SPINK5: variants seen among roughly 807,000 people sequenced by gnomAD.
SPINK5 encodes serine peptidase inhibitor Kazal type 5.
In SPINK5, 125 loss-of-function variants were observed where a neutral mutation model predicts 151.8. The observed-to-expected ratio is 0.82, with a 90% CI of 0.71 to 0.96. The LOEUF (loss-of-function observed/expected upper bound fraction) is 0.96, where lower values mean the gene tolerates loss of function less well. Ranked by LOEUF, SPINK5 falls within the 40% of genes least tolerant of loss-of-function variation. The probability of loss-of-function intolerance (pLI) is 0.00; values close to 1 mark genes in which losing one functional copy is unlikely to be tolerated. For synonymous variants in SPINK5, 374 were observed against 395.3 expected (o/e 0.95, Z 0.64); for missense variants, 1,194 against 1,291.9 (o/e 0.92, Z 1.16).
chr5:148,064,064 C>T lies in SPINK5; in HGVS notation c.20C>T (p.Ser7Leu), dbSNP rs1264539510. Residue 7 changes from serine (S) to leucine (L), a missense_variant, in exon 1 of 33, where the codon TCA becomes TTA. Transcript: ENST00000256084. MKIATV[S>L]VLLPLALCLI... Reference sequence around the variant, plus strand: ...TTCAACATGAAGATAGCCACAGTGTCAGTGCTTCTGCCCTTGGCTCTTTGC... The same window carrying T: ...TTCAACATGAAGATAGCCACAGTGTTAGTGCTTCTGCCCTTGGCTCTTTGC... 6.2e-7 allele frequency: 1 copy of T among 1,614,160 alleles called. No homozygotes were observed. The highest frequency in any genetic ancestry group is 1.1e-5 in the South Asian group (1 of 91,080).
chr5:148,111,629 C>T (rs189541068), intron 18 of SPINK5, 139 bp from the exon 19 acceptor site: 7 of 1,238,834 alleles, frequency 5.7e-6, no homozygotes, highest in African/African-American at 3.0e-5. Context: ...CTCTGAAAAG[C>T]ATTTTGGTTA....
chr5:148,095,574 G>T (rs1753433488), intron 9 of SPINK5, among the ~76,000 whole-genome samples: 1 of 151,924 alleles, frequency 6.6e-6, no homozygotes, highest in Non-Finnish European at 1.5e-5. Context: ...TCTTCAAAAA[G>T]GTAGAATTTA....
rs1753437657 is a variant in SPINK5 at position 148,095,746 on chromosome 5, A to T, written c.795-72A>T. On this transcript the variant is annotated intron_variant, in intron 9 of 32. Transcript: ENST00000256084. ...CTCAGGACAACTTAGATATTTTTCC[A>T]TCTATACCTAATGACTGTTTTGTAA... is the stretch of plus-strand genomic sequence containing the variant. The T allele has an allele frequency of 7.6e-6, 10 of 1,309,192 alleles. No individual in the cohort carries two copies. In the South Asian group the frequency reaches 1.1e-4, roughly 14 times the overall value. The allele number at this position is 1,309,192 out of a possible 1,614,324, so 81.1% of individuals were successfully genotyped here.
At position 148,127,762 on chromosome 5, in the gene SPINK5, G is replaced by A. The variant is rs141916920; in HGVS notation, c.2964+683G>A. ...AGTTCCAGCTACTTGGGAGGCTGAGGTGGAAGGATGGCTTGAGCCCAGGTG... is the reference window on the plus strand; with the variant it reads ...AGTTCCAGCTACTTGGGAGGCTGAGATGGAAGGATGGCTTGAGCCCAGGTG... On this transcript the variant is annotated intron_variant, in intron 30 of 32. Coordinates refer to ENST00000256084, the MANE Select transcript of SPINK5 (RefSeq NM_006846.4). Among the ~76,000 whole-genome samples the A allele has an allele frequency of 3.0e-3, 461 of 152,234 alleles. 3 individuals carry two copies. The highest frequency in any genetic ancestry group is 0.011 in the African/African-American group (450 of 41,530).
chr5:148,119,911 T>C (rs983578910), intron 24 of SPINK5, 98 bp from the exon 25 acceptor site: 10 of 1,419,030 alleles, frequency 7.0e-6, no homozygotes, highest in African/African-American at 1.4e-5. Flanking sequence ...CAAGGTTACA[T>C]GGCTGCCTGA....
At chr5:148,125,523 G>A in intron 28 of SPINK5, 200 bp from the exon 29 acceptor site, 1 of 1,613,346 alleles carries the variant, frequency 6.2e-7, no homozygotes, top group East Asian at 2.2e-5. Context: ...ACATTTTTCA[G>A]GACCAGTGCA....
At position 148,100,489 on chromosome 5, in the gene SPINK5, C is replaced by T. The variant is rs78128189; in HGVS notation, c.1128C>T (p.Asn376=). ...GTGAATATCGAAAGCTTGTGAGGAA[C>T]GGAAAACTTGCTTGCACCAGAGAGA... The part of the protein sequence containing the change: ...LCSEYRKLVR[N]GKLACTREND... Residue 376 remains asparagine (N), a synonymous_variant, in exon 13 of 33, where the codon AAC becomes AAT. Coordinates refer to ENST00000256084, the MANE Select transcript of SPINK5 (RefSeq NM_006846.4). The T allele has an allele frequency of 8.3e-4, 1,331 of 1,612,726 alleles. 5 individuals are homozygous for T. The African/African-American group carries it at 0.011, about 14-fold the overall frequency.
rs1273703989 is a variant in SPINK5, at chr5:148,073,198, G to T, written c.282+978G>T. Among the ~76,000 whole-genome samples the T allele has an allele frequency of 2.0e-5, 3 of 151,712 alleles. No individual in the cohort carries two copies. The East Asian group carries it at 5.8e-4, about 30-fold the overall frequency. ...TCCACTTTCTTTTCCTTCTCTGCTG[G>T]CCCCAACACGTAATTAAAATAATCA... On this transcript the variant is annotated intron_variant, in intron 4 of 32. Coordinates refer to ENST00000256084, the MANE Select transcript of SPINK5 (RefSeq NM_006846.4).
At chr5:148,135,324 C>T (rs1754671178) in intron 32 of SPINK5, among the ~76,000 whole-genome samples, 1 of 152,166 alleles carries the variant, frequency 6.6e-6, no homozygotes, top group Admixed American at 6.5e-5. Context: ...TTATGCCAGT[C>T]CAATAGACCA....
chr5:148,068,578 A>AAAAG (rs1554101970), intron 2 of SPINK5, among the ~76,000 whole-genome samples: 4,204 of 73,878 alleles, frequency 0.057, 166 homozygotes, highest in East Asian at 0.13. Context: ...AAAAAAAAAA[A>AAAAG]AAAGAAAGAA....
At chr5:148,100,971 C>G (rs578095286) in intron 13 of SPINK5, among the ~76,000 whole-genome samples, 17 of 152,190 alleles carry the variant, frequency 1.1e-4, no homozygotes, top group African/African-American at 3.1e-4. Context: ...GATGATTTAC[C>G]ATGGAATTCC....
intron 12 of SPINK5, 47 bp from the exon 13 acceptor site, chr5:148,100,407 A>G: frequency 6.3e-7 from 1 of 1,587,528 alleles, no homozygotes; most frequent in South Asian, 1.1e-5. Flanking sequence ...CTTCTGCTTT[A>G]AGTAGAAATG....
chr5:148,112,985 A>G, intron 20 of SPINK5, 51 bp downstream of exon 20: 1 of 1,606,772 alleles, frequency 6.2e-7, no homozygotes, highest in Non-Finnish European at 8.5e-7. Flanking sequence ...ATTTTGCAGT[A>G]TCTCTGTAAA....
intron 18 of SPINK5, 37 bp from the exon 19 acceptor site, chr5:148,111,731 T>C (rs367953401): frequency 2.1e-5 from 34 of 1,613,724 alleles, no homozygotes; most frequent in African/African-American, 1.3e-4. Context: ...TGTTTAGTTA[T>C]TGGACTCTTA....
intron 26 of SPINK5, among the ~76,000 whole-genome samples, chr5:148,120,818 G>A (rs1754237992): frequency 6.6e-6 from 1 of 152,026 alleles, no homozygotes. Flanking sequence ...GCAATCAGAT[G>A]CCAAAAATTA....
intron 6 of SPINK5, chr5:148,089,284 G>T (rs1230291252): frequency 4.6e-6 from 3 of 657,732 alleles, no homozygotes; most frequent in South Asian, 4.5e-5. Context: ...TAGGTTATCT[G>T]TTTACTAAAT....
At chr5:148,118,671 G>C in intron 23 of SPINK5, 107 bp downstream of exon 23, 1 of 1,488,756 alleles carries the variant, frequency 6.7e-7, no homozygotes, top group Non-Finnish European at 9.2e-7. Context: ...TATTCTTTTT[G>C]CTAATTTCCA....
At chr5:148,122,942 G>A (rs1422356715) in intron 26 of SPINK5, among the ~76,000 whole-genome samples, 4 of 138,188 alleles carry the variant, frequency 2.9e-5, no homozygotes, top group Non-Finnish European at 4.6e-5. Context: ...TGTTTTGCCA[G>A]AAGAGTGTCG....
intron 7 of SPINK5, chr5:148,090,668 C>G (rs1753285461): frequency 6.4e-6 from 1 of 155,242 alleles, no homozygotes; most frequent in Non-Finnish European, 1.4e-5. Flanking sequence ...CAACTTAGTA[C>G]TTTTACATGA....
Sources: allele counts gnomAD v4.1 joint callset (sites outside exome capture counted in the v4.1 genomes callset), GRCh38; gene constraint gnomAD v4.1.1; transcripts MANE v1.5; gene names NCBI Gene and HGNC (gene_info 2026-07-23, HGNC 2026-07-21).